The following MID1 variants were observed in gnomAD, a reference collection of about 807,000 sequenced individuals.
MID1 encodes E3 ubiquitin-protein ligase Midline-1.
In MID1, 7 loss-of-function variants were observed where a neutral mutation model predicts 40.4. The observed-to-expected ratio is 0.17, with a 90% confidence interval of 0.10 to 0.33. The LOEUF is 0.33. Among genes scored for constraint, MID1 ranks in the 10% least tolerant of loss-of-function variants. The pLI is 1.00. For missense variants in MID1, 367 were observed against 558.5 expected (o/e 0.66, Z 3.46); for synonymous variants, 229 against 221.2 (o/e 1.04, Z -0.31).
At chrX:10,599,776 CA>C (rs1195211106) in intron 1 of MID1, among the ~76,000 whole-genome samples, 1 of 112,102 alleles carries the variant, frequency 8.9e-6, no homozygotes, top group Non-Finnish European at 1.9e-5. Flanking sequence ...AAAATACTTC[CA>C]ATTTTTCAGA....
At chrX:10,502,197 GA>G (rs1237951099) in intron 3 of MID1, among the ~76,000 whole-genome samples, 3 of 110,838 alleles carry the variant, frequency 2.7e-5, no homozygotes, top group East Asian at 2.8e-4. Context: ...ATGAGTGAAG[GA>G]AAAAAAATAT....
intron 2 of MID1, 52 bp from the exon 3 acceptor site, chrX:10,523,239 T>A: frequency 1.1e-6 from 1 of 872,716 alleles, no homozygotes. Context: ...CATACTTTTA[T>A]ACTTCAGATA....
At chrX:10,575,083 A>G (rs1934836379) in intron 1 of MID1, among the ~76,000 whole-genome samples, 1 of 112,701 alleles carries the variant, frequency 8.9e-6, no homozygotes, top group African/African-American at 3.2e-5. Flanking sequence ...AGCATTGAAA[A>G]TGTACAAATG....
chrX:10,588,568 T>TA (rs750712118), intron 1 of MID1, among the ~76,000 whole-genome samples: 1 of 111,302 alleles, frequency 9.0e-6, no homozygotes, highest in Non-Finnish European at 1.9e-5. Flanking sequence ...TTTTTTTTTT[T>TA]AACTACTTGT....
At chrX:10,480,492 G>T (rs1246616617) in intron 5 of MID1, among the ~76,000 whole-genome samples, 1 of 112,539 alleles carries the variant, frequency 8.9e-6, no homozygotes, top group Non-Finnish European at 1.9e-5. Context: ...AAAGTTCATA[G>T]ATGGAGAAAA....
rs919304551 is a variant in MID1, at chrX:10,446,748, C to A, written c.*2620G>T. ...GAATTTCAAGACATCAACAGCAGAG[C>A]ATTAAATCAGGCTTAGGGCCCTTCT... On this transcript the variant is annotated 3_prime_UTR_variant, in exon 10 of 10. Coordinates refer to ENST00000317552, the MANE Select transcript of MID1 (RefSeq NM_000381.4). 8.9e-6 allele frequency: 1 copy of A among 112,199 alleles called. No homozygotes were observed. Among genetic ancestry groups the A allele is most frequent in the Non-Finnish European group, 1.9e-5 (1 of 53,331 alleles). The allele number at this position is 112,199 out of a possible 1,213,427, so 9.2% of individuals were successfully genotyped here. A position where few individuals can be genotyped will look rare whatever the true frequency, so the allele number is the denominator to read the frequency against.
At chrX:10,508,717 T>C (rs181202962) in intron 3 of MID1, among the ~76,000 whole-genome samples, 1 of 111,773 alleles carries the variant, frequency 8.9e-6, no homozygotes, top group Admixed American at 9.5e-5. Flanking sequence ...CAGAGGAAAT[T>C]AAAATTCTGT....
chrX:10,446,779 C>T lies in MID1; in HGVS notation c.*2589G>A, dbSNP rs1928057210. 8.9e-6 allele frequency: 1 copy of T among 111,896 alleles called. No individual in the cohort carries two copies. The highest frequency in any genetic ancestry group is 3.3e-5 in the African/African-American group (1 of 30,639). 9.2% of individuals were successfully genotyped at this position (111,896 alleles called of 1,213,427 possible). ...ATCAGGCTTAGGGCCCTTCTGAACT[C>T]CTGGGCTCTGGGCATACCCATGACA... On this transcript the variant is annotated 3_prime_UTR_variant, in exon 10 of 10. Transcript: ENST00000317552.
At chrX:10,453,316 T>C (rs1602239354) in intron 9 of MID1, among the ~76,000 whole-genome samples, 1 of 111,967 alleles carries the variant, frequency 8.9e-6, no homozygotes, top group Non-Finnish European at 1.9e-5. Context: ...ATTATTTGCA[T>C]AGGTTTGAAT....
intron 1 of MID1, among the ~76,000 whole-genome samples, chrX:10,698,588 T>C (rs1401672297): frequency 9.1e-6 from 1 of 110,412 alleles, no homozygotes; most frequent in Non-Finnish European, 1.9e-5. Flanking sequence ...ATATCCTCAG[T>C]GCTCCCACTT....
chrX:10,637,869 T>A (rs1447505287), intron 1 of MID1, among the ~76,000 whole-genome samples: 1 of 111,636 alleles, frequency 9.0e-6, no homozygotes, highest in Admixed American at 9.5e-5. Context: ...AGGTAAGATG[T>A]TCATAACAGG....
chrX:10,630,577 A>G (rs1300998908), intron 1 of MID1, among the ~76,000 whole-genome samples: 1 of 110,510 alleles, frequency 9.0e-6, no homozygotes, highest in African/African-American at 3.3e-5. Context: ...TTGGTGAGGC[A>G]GTGTTTGCAG....
intron 1 of MID1, among the ~76,000 whole-genome samples, chrX:10,772,521 C>T (rs1371462709): frequency 2.8e-5 from 3 of 108,882 alleles, no homozygotes; most frequent in Non-Finnish European, 5.7e-5. Flanking sequence ...AGAACTTACT[C>T]ATGTAACTAA....
chrX:10,721,282 T>C (rs778640481), intron 1 of MID1, among the ~76,000 whole-genome samples: 1 of 111,168 alleles, frequency 9.0e-6, no homozygotes, highest in Admixed American at 9.6e-5. Flanking sequence ...TCCATACATA[T>C]GTGTGTATGT....
At chrX:10,779,133 C>G (rs2043827655) in intron 1 of MID1, among the ~76,000 whole-genome samples, 1 of 112,480 alleles carries the variant, frequency 8.9e-6, no homozygotes, top group Non-Finnish European at 1.9e-5. Context: ...AATAATTTCA[C>G]AAAGGAAAAT....
At chrX:10,516,701 G>A (rs1182718816) in intron 3 of MID1, among the ~76,000 whole-genome samples, 1 of 109,406 alleles carries the variant, frequency 9.1e-6, no homozygotes, top group Admixed American at 9.8e-5. Flanking sequence ...CTGTAGCCTC[G>A]ACCTCCCAGG....
chrX:10,721,298 G>C (rs1038975876), intron 1 of MID1, among the ~76,000 whole-genome samples: 2 of 111,252 alleles, frequency 1.8e-5, no homozygotes, highest in Non-Finnish European at 3.8e-5. Flanking sequence ...TATGTGAATA[G>C]ATATATTTCT....
chrX:10,569,235 C>T (rs768939239), intron 1 of MID1, among the ~76,000 whole-genome samples: 1 of 111,835 alleles, frequency 8.9e-6, no homozygotes, highest in South Asian at 3.8e-4. Flanking sequence ...AAGTATGTCC[C>T]GAGCCTGTTA....
At chrX:10,807,911 G>A (rs1004487979) in intron 1 of MID1, among the ~76,000 whole-genome samples, 1 of 112,264 alleles carries the variant, frequency 8.9e-6, no homozygotes, top group Admixed American at 9.4e-5. Flanking sequence ...GGGTATCCAG[G>A]TCTCCTAGGA....
Sources: allele counts gnomAD v4.1 joint callset (sites outside exome capture counted in the v4.1 genomes callset), GRCh38; gene constraint gnomAD v4.1.1; transcripts MANE v1.5; gene names NCBI Gene and HGNC (gene_info 2026-07-23, HGNC 2026-07-21).